EBF2: variants seen among roughly 807,000 people sequenced by gnomAD.
EBF2 encodes EBF transcription factor 2.
EBF2 carries 21 observed loss-of-function variants against 72.8 expected under a neutral mutation model. The ratio of observed to expected loss-of-function variants is 0.29; its 90% CI spans 0.20 to 0.42. EBF2 has a LOEUF of 0.42. EBF2 is among the 10% of genes least tolerant of loss of function. EBF2 has a pLI of 1.00. For missense variants in EBF2, 637 were observed against 731.2 expected, an observed-to-expected ratio of 0.87 and a Z score of 1.49; for synonymous variants, 299 against 274.2, an observed-to-expected ratio of 1.09 and a Z score of -0.89.
intron 6 of EBF2, among the ~76,000 whole-genome samples, chr8:25,964,647 A>G (rs574727576): frequency 6.6e-6 from 1 of 152,226 alleles, no homozygotes; most frequent in African/African-American, 2.4e-5. Flanking sequence ...TATTCATCAT[A>G]ATACCACAGC....
intron 10 of EBF2, among the ~76,000 whole-genome samples, chr8:25,872,633 G>A (rs1290509626): frequency 9.2e-5 from 14 of 152,048 alleles, no homozygotes; most frequent in Non-Finnish European, 1.9e-4. Context: ...CTTTCTTCAA[G>A]AATAAGGAAA....
chr8:25,985,243 G>A (rs1182969240), intron 6 of EBF2, among the ~76,000 whole-genome samples: 1 of 152,118 alleles, frequency 6.6e-6, no homozygotes, highest in Non-Finnish European at 1.5e-5. Context: ...TTTAGAATTG[G>A]CTGGGAATTT....
At chr8:25,922,289 G>A (rs886549648) in intron 6 of EBF2, among the ~76,000 whole-genome samples, 2 of 150,898 alleles carry the variant, frequency 1.3e-5, no homozygotes, top group Admixed American at 1.3e-4. Flanking sequence ...CTGGTTTTAT[G>A]TTTCACAATG....
intron 6 of EBF2, among the ~76,000 whole-genome samples, chr8:26,030,598 G>A (rs543914494): frequency 3.3e-5 from 5 of 151,806 alleles, no homozygotes; most frequent in African/African-American, 1.2e-4. Context: ...CAATAAGCAA[G>A]CCAAACAAAT....
intron 6 of EBF2, among the ~76,000 whole-genome samples, chr8:26,008,150 A>G (rs1804912882): frequency 6.6e-6 from 1 of 151,978 alleles, no homozygotes; most frequent in African/African-American, 2.4e-5. Context: ...TCAGTGATAC[A>G]CGGGTATGGG....
At chr8:25,920,580 T>C (rs944184660) in intron 6 of EBF2, among the ~76,000 whole-genome samples, 2 of 152,226 alleles carry the variant, frequency 1.3e-5, no homozygotes, top group African/African-American at 4.8e-5. Flanking sequence ...AAAGCGATTG[T>C]GACCCACGCA....
intron 6 of EBF2, among the ~76,000 whole-genome samples, chr8:25,912,922 G>A (rs557080140): frequency 9.2e-5 from 14 of 152,250 alleles, no homozygotes; most frequent in East Asian, 5.8e-4. Context: ...CATCTCAAAC[G>A]AGATGCACAA....
chr8:25,894,000 A>ATG (rs1585185289), intron 7 of EBF2, among the ~76,000 whole-genome samples: 1 of 152,192 alleles, frequency 6.6e-6, no homozygotes, highest in East Asian at 1.9e-4. Flanking sequence ...GTCCAAATGT[A>ATG]TGTGTGTGTG....
intron 14 of EBF2, among the ~76,000 whole-genome samples, chr8:25,857,568 G>C (rs1355051895): frequency 6.6e-6 from 1 of 152,126 alleles, no homozygotes; most frequent in East Asian, 1.9e-4. Context: ...TCCCTAGGTA[G>C]GTTTGAAAAA....
chr8:25,892,050 T>G (rs2117295615), intron 7 of EBF2, among the ~76,000 whole-genome samples: 1 of 152,288 alleles, frequency 6.6e-6, no homozygotes, highest in Non-Finnish European at 1.5e-5. Context: ...AGTAGACCCC[T>G]TATCCAAGAG....
At chr8:26,040,778 G>A in intron 3 of EBF2, 107 bp from the exon 4 acceptor site, 3 of 1,486,520 alleles carry the variant, frequency 2.0e-6, no homozygotes, top group East Asian at 4.9e-5. Flanking sequence ...TCCATGCTGA[G>A]CCGCCCTGGA....
intron 6 of EBF2, among the ~76,000 whole-genome samples, chr8:26,005,512 T>TTTTATAATATATATTATA (rs1563206020): frequency 3.2e-4 from 1 of 3,156 alleles, no homozygotes; most frequent in African/African-American, 1.1e-3. Flanking sequence ...ATAATATATA[T>TTTTATAATATATATTATA]TATAAAATAT....
chr8:26,015,462 C>T (rs1174381040), intron 6 of EBF2, among the ~76,000 whole-genome samples: 4 of 152,178 alleles, frequency 2.6e-5, no homozygotes, highest in East Asian at 3.9e-4. Flanking sequence ...ACTAGGTGCT[C>T]GCTATGCATT....
In EBF2 at chr8:26,040,631, G is replaced by C; in HGVS notation, c.393C>G (p.Asp131Glu). Residue 131 changes from aspartate to glutamate, a missense_variant, in exon 4 of 16, where the codon GAC becomes GAG. Asp to Glu is a conservative substitution (Grantham distance 45). Transcript: ENST00000520164. ...TEQDLYVRLI[D>E]SVTKQPIAYE... is the part of the protein sequence containing the mutation. The stretch of plus-strand genomic sequence containing the variant: ...TCCGGCTCACCTGCTTGGTGACCGA[G>C]TCGATGAGCCTGACATAGAGGTCCT... 1 of 1,554,152 alleles carries C rather than the reference G, an allele frequency of 6.4e-7. No individual in the cohort carries two copies. Among genetic ancestry groups the C allele is most frequent in the Non-Finnish European group, 8.7e-7 (1 of 1,148,432 alleles).
chr8:25,889,288 A>G (rs1289956013), intron 8 of EBF2, among the ~76,000 whole-genome samples: 1 of 152,180 alleles, frequency 6.6e-6, no homozygotes, highest in East Asian at 1.9e-4. Flanking sequence ...AATTACTTTA[A>G]TGCACTTGGA....
At chr8:25,933,292 A>AT (rs1426017943) in intron 6 of EBF2, among the ~76,000 whole-genome samples, 1 of 152,184 alleles carries the variant, frequency 6.6e-6, no homozygotes, top group African/African-American at 2.4e-5. Context: ...TGTTGATGGT[A>AT]TTTTTCAGTC....
intron 15 of EBF2, among the ~76,000 whole-genome samples, chr8:25,847,537 T>C (rs1442619862): frequency 6.6e-6 from 1 of 152,144 alleles, no homozygotes; most frequent in Non-Finnish European, 1.5e-5. Flanking sequence ...AACCCTCGCC[T>C]CCTCCCAGCC....
rs543253186 is a variant in EBF2, at chr8:25,918,207, A to G, written c.552-9652T>C. 2.0e-4 allele frequency among the ~76,000 whole-genome samples: 31 copies of G among 152,252 alleles called. No homozygotes were observed. The South Asian group carries it at 4.6e-3, about 22-fold the overall frequency. ...CTCTGCAGTTTTCAGCTTTCTACCT[A>G]TCGCAACTATGGGTTCACTCTCCAA... On this transcript the variant is annotated intron_variant, in intron 6 of 15. Coordinates refer to ENST00000520164, the MANE Select transcript of EBF2 (RefSeq NM_022659.4).
intron 6 of EBF2, among the ~76,000 whole-genome samples, chr8:25,992,250 C>T (rs570016523): frequency 7.5e-6 from 1 of 132,666 alleles, no homozygotes; most frequent in South Asian, 2.4e-4. Flanking sequence ...AGAAGAATTG[C>T]TTGAATCTGG....
Sources: allele counts gnomAD v4.1 joint callset (sites outside exome capture counted in the v4.1 genomes callset), GRCh38; gene constraint gnomAD v4.1.1; transcripts MANE v1.5; gene names NCBI Gene and HGNC (gene_info 2026-07-23, HGNC 2026-07-21).